RAD51B: variants seen among roughly 807,000 people sequenced by gnomAD.
The protein encoded by RAD51B is DNA repair protein RAD51 homolog 2.
A neutral mutation model predicts 42.2 loss-of-function variants in RAD51B; 38 were observed. That is an observed-to-expected ratio of 0.90 (90% CI 0.70 to 1.18). The LOEUF (loss-of-function observed/expected upper bound fraction) is 1.18, where lower values mean the gene tolerates loss of function less well. RAD51B is among the 50% of genes most tolerant of loss of function. RAD51B has a pLI of 0.00. For synonymous variants in RAD51B, 154 were observed against 145.2 expected (o/e 1.06, Z -0.43); for missense variants, 373 against 400.7 (o/e 0.93, Z 0.59).
chr14:68,113,667 TAA>T (rs796206065), intron 7 of RAD51B: 39 of 152,192 alleles, frequency 2.6e-4, no homozygotes, highest in African/African-American at 9.1e-4. Flanking sequence ...AGGAAACAAA[TAA>T]GTTTTTTTTT....
intron 10 of RAD51B, among the ~76,000 whole-genome samples, chr14:68,624,140 T>G (rs1892016465): frequency 6.6e-6 from 1 of 152,120 alleles, no homozygotes; most frequent in Non-Finnish European, 1.5e-5. Flanking sequence ...TAGCTCTTGG[T>G]TTCGTCTGAA....
At chr14:68,070,575 AT>A (rs1192697582) in intron 7 of RAD51B, among the ~76,000 whole-genome samples, 1 of 152,146 alleles carries the variant, frequency 6.6e-6, no homozygotes, top group African/African-American at 2.4e-5. Flanking sequence ...TCTGTTGAAG[AT>A]CAGCTAGTTG....
chr14:68,099,882 G>A (rs1229974616), intron 7 of RAD51B, among the ~76,000 whole-genome samples: 5 of 152,116 alleles, frequency 3.3e-5, no homozygotes, highest in Admixed American at 6.6e-5. Context: ...TAGAACTGCC[G>A]AACAACTGAG....
At chr14:68,058,049 A>AATCT (rs1418238708) in intron 7 of RAD51B, among the ~76,000 whole-genome samples, 1 of 152,040 alleles carries the variant, frequency 6.6e-6, no homozygotes, top group East Asian at 1.9e-4. Context: ...TGCCAAGGAA[A>AATCT]ATCTGGCACA....
chr14:68,460,812 G>T (rs1259013945), intron 9 of RAD51B, among the ~76,000 whole-genome samples: 2 of 152,162 alleles, frequency 1.3e-5, no homozygotes, highest in Non-Finnish European at 2.9e-5. Flanking sequence ...AAGAATCTTG[G>T]CAGTGATTGA....
At chr14:67,824,548 G>A (rs1175927283) in intron 2 of RAD51B, among the ~76,000 whole-genome samples, 2 of 151,958 alleles carry the variant, frequency 1.3e-5, no homozygotes, top group Admixed American at 6.6e-5. Flanking sequence ...ATGAGCCACC[G>A]TGCCTGGCCT....
chr14:68,186,593 A>C (rs746113082), intron 7 of RAD51B, among the ~76,000 whole-genome samples: 88 of 152,204 alleles, frequency 5.8e-4, no homozygotes, highest in Non-Finnish European at 6.9e-4. Flanking sequence ...ACATACAAGC[A>C]ACCAACAAAC....
chr14:68,341,431 G>C (rs1480980506), intron 8 of RAD51B, among the ~76,000 whole-genome samples: 1 of 152,170 alleles, frequency 6.6e-6, no homozygotes. Context: ...CAAAGACATG[G>C]TAGAAGCAAT....
intron 7 of RAD51B, among the ~76,000 whole-genome samples, chr14:68,289,683 C>T (rs747676853): frequency 1.3e-5 from 2 of 150,538 alleles, no homozygotes; most frequent in African/African-American, 4.9e-5. Flanking sequence ...TATTGCACTC[C>T]AGACTGGGCA....
intron 7 of RAD51B, among the ~76,000 whole-genome samples, chr14:67,912,845 A>G (rs1390822193): frequency 1.3e-5 from 2 of 151,956 alleles, no homozygotes; most frequent in Non-Finnish European, 1.5e-5. Context: ...AGCTGGGACT[A>G]CAGGTGCCTG....
chr14:67,865,018 G>T lies in RAD51B; in HGVS notation c.331G>T (p.Gly111Cys). 1 of 668,938 alleles carries T rather than the reference G, an allele frequency of 1.5e-6. No homozygotes were observed. Among genetic ancestry groups the T allele is most frequent in the Non-Finnish European group, 2.4e-6 (1 of 423,168 alleles). 41.4% of individuals were successfully genotyped at this position (668,938 alleles called of 1,614,324 possible). ...TTTTTTTTAGATTACAGGTCCACCA[G>T]GTTGTGGAAAAACTCAGTTTTGTAT... is the stretch of plus-strand genomic sequence containing the variant. Reference protein sequence around the residue: ...GSLTEITGPPGCGKTQFCIMM... With the variant: ...GSLTEITGPPCCGKTQFCIMM... Residue 111 changes from glycine (G) to cysteine (C), a missense_variant, in exon 5 of 11, where the codon GGT (glycine) becomes TGT (cysteine). Physicochemically the swap from Gly to Cys is radical, Grantham distance 159 (BLOSUM62 -3). Coordinates refer to ENST00000471583, the MANE Select transcript of RAD51B (RefSeq NM_133510.4).
In RAD51B at chr14:68,072,058, TA is replaced by T. The variant is rs1159649329; in HGVS notation, c.756+184855del. ...GATTTTATATATATATATAATTATA[TA>T]TATTTATATAAATATATAAATATAT... On this transcript the variant is annotated intron_variant, in intron 7 of 10. Transcript: ENST00000471583. 8.1e-3 allele frequency among the ~76,000 whole-genome samples: 958 copies of T among 118,396 alleles called. 12 individuals carry two copies. The highest frequency in any genetic ancestry group is 0.017 in the African/African-American group (387 of 23,212). The allele number at this position is 118,396 out of a possible 152,430, so 77.7% of individuals were successfully genotyped here.
chr14:68,399,855 C>G (rs569352189), intron 8 of RAD51B, among the ~76,000 whole-genome samples: 2 of 152,280 alleles, frequency 1.3e-5, no homozygotes, highest in South Asian at 2.1e-4. Flanking sequence ...ATAATGTACT[C>G]TATGGCAGTT....
At chr14:68,367,149 T>G (rs1034542720) in intron 8 of RAD51B, among the ~76,000 whole-genome samples, 3 of 152,242 alleles carry the variant, frequency 2.0e-5, no homozygotes, top group Non-Finnish European at 4.4e-5. Flanking sequence ...TAATTGTACA[T>G]GGTCCAGTCT....
At chr14:68,073,431 G>A (rs2076785271) in intron 7 of RAD51B, among the ~76,000 whole-genome samples, 1 of 152,062 alleles carries the variant, frequency 6.6e-6, no homozygotes, top group African/African-American at 2.4e-5. Flanking sequence ...ATGTGAGATG[G>A]GTCTGTTGAA....
At chr14:68,391,136 G>GTCATTCTT (rs1555402753) in intron 8 of RAD51B, among the ~76,000 whole-genome samples, 1 of 141,558 alleles carries the variant, frequency 7.1e-6, no homozygotes, top group Admixed American at 7.0e-5. Context: ...TATGAGACTT[G>GTCATTCTT]TCTTTCTTTC....
chr14:68,625,098 C>T (rs1192051856), intron 10 of RAD51B, among the ~76,000 whole-genome samples: 1 of 152,194 alleles, frequency 6.6e-6, no homozygotes, highest in Admixed American at 6.5e-5. Context: ...GAGCTGGGAC[C>T]TGGACTAGTC....
chr14:68,578,623 T>C (rs543996076), intron 10 of RAD51B, among the ~76,000 whole-genome samples: 1 of 152,188 alleles, frequency 6.6e-6, no homozygotes, highest in Admixed American at 6.5e-5. Flanking sequence ...CCTTGAAGGA[T>C]ATATTGACTC....
intron 7 of RAD51B, among the ~76,000 whole-genome samples, chr14:67,992,720 A>G (rs1165060388): frequency 6.6e-6 from 1 of 152,096 alleles, no homozygotes; most frequent in African/African-American, 2.4e-5. Context: ...TTATGAAGTT[A>G]AAAGGACTTA....
Sources: gnomAD v4.1 joint callset for allele counts (sites outside exome capture counted in the v4.1 genomes callset) on GRCh38, gnomAD v4.1.1 for gene constraint, MANE v1.5 for transcripts, NCBI Gene and HGNC (gene_info 2026-07-23, HGNC 2026-07-21) for gene names.